The following RANBP17 variants were observed in gnomAD, a reference collection of about 807,000 sequenced individuals.
The protein encoded by RANBP17 is ran-binding protein 17.
A neutral mutation model predicts 141.2 loss-of-function variants in RANBP17; 158 were observed. The observed-to-expected ratio is 1.12, with a 90% CI of 0.98 to 1.28. The LOEUF (loss-of-function observed/expected upper bound fraction) is 1.28. Ranked by LOEUF, RANBP17 falls within the 50% of genes most tolerant of loss-of-function variation. The pLI, the probability that RANBP17 is intolerant of heterozygous loss-of-function variation, is 0.00. For missense variants in RANBP17, 1,438 were observed against 1,290.7 expected (o/e 1.11, Z -1.75); for synonymous variants, 430 against 450.0 (o/e 0.96, Z 0.56).
chr5:171,143,671 C>A (rs7731162), intron 14 of RANBP17, among the ~76,000 whole-genome samples: 12,153 of 152,042 alleles, frequency 0.08, 705 homozygotes, highest in African/African-American at 0.16. Context: ...TATCCCAGTC[C>A]CTATGCTTAG....
At chr5:170,927,557 A>G (rs193238247) in intron 12 of RANBP17, among the ~76,000 whole-genome samples, 8 of 151,098 alleles carry the variant, frequency 5.3e-5, no homozygotes, top group Admixed American at 1.3e-4. Flanking sequence ...CCATTTTTCT[A>G]TTGGGTTGTT....
At position 171,147,768 on chromosome 5, in the gene RANBP17, G is replaced by A. The variant is rs535897205; in HGVS notation, c.1711-22362G>A. ...AGGTAAAATTTTTAATCTCAGGTGG[G>A]GGGGTCAGCCCCCCGCCCGGCCAGC... On this transcript the variant is annotated intron_variant, in intron 14 of 27. Coordinates refer to ENST00000523189, the MANE Select transcript of RANBP17 (RefSeq NM_022897.5). Among the ~76,000 whole-genome samples, 392 of 152,246 alleles carry A rather than the reference G, an allele frequency of 2.6e-3. 2 individuals are homozygous for A. The highest frequency in any genetic ancestry group is 8.8e-3 in the African/African-American group (366 of 41,554).
At chr5:171,278,518 A>G (rs977876210) in intron 25 of RANBP17, among the ~76,000 whole-genome samples, 1 of 152,134 alleles carries the variant, frequency 6.6e-6, no homozygotes, top group African/African-American at 2.4e-5. Flanking sequence ...ATTTATAAAG[A>G]TGCTGGTCAG....
chr5:171,124,825 C>A (rs189450096), intron 14 of RANBP17, among the ~76,000 whole-genome samples: 129 of 152,224 alleles, frequency 8.5e-4, no homozygotes, highest in African/African-American at 3.0e-3. Flanking sequence ...ACAAAACAAT[C>A]AGAAACTAAT....
At chr5:170,873,316 G>C (rs1159466002) in intron 1 of RANBP17, among the ~76,000 whole-genome samples, 1 of 152,152 alleles carries the variant, frequency 6.6e-6, no homozygotes, top group Non-Finnish European at 1.5e-5. Context: ...TTCTTTTCTT[G>C]TTGTGTCTTT....
chr5:171,055,890 AAAAAAAC>A (rs1322169546), intron 14 of RANBP17, among the ~76,000 whole-genome samples: 17 of 142,816 alleles, frequency 1.2e-4, no homozygotes, highest in African/African-American at 3.1e-4. Context: ...CAAAAAAAAA[AAAAAAAC>A]AAAAAAAAAA....
chr5:171,068,714 G>T (rs1282184961), intron 14 of RANBP17, among the ~76,000 whole-genome samples: 5 of 152,008 alleles, frequency 3.3e-5, no homozygotes, highest in Non-Finnish European at 5.9e-5. Context: ...AGCCACCCAA[G>T]TAGCTGGGAT....
At chr5:171,075,415 A>G (rs1784858681) in intron 14 of RANBP17, among the ~76,000 whole-genome samples, 1 of 152,204 alleles carries the variant, frequency 6.6e-6, no homozygotes, top group Non-Finnish European at 1.5e-5. Flanking sequence ...GTGAAACTTC[A>G]AAAAATGATA....
At chr5:170,910,457 C>T (rs1362304677) in intron 6 of RANBP17, 3 of 152,232 alleles carry the variant, frequency 2.0e-5, no homozygotes, top group Admixed American at 1.3e-4. Context: ...TTTCTTTTAA[C>T]ACAGAAAATT....
At chr5:171,034,156 G>A (rs1781725362) in intron 14 of RANBP17, among the ~76,000 whole-genome samples, 1 of 152,064 alleles carries the variant, frequency 6.6e-6, no homozygotes, top group South Asian at 2.1e-4. Context: ...AATATAAAAT[G>A]AAAGCCAGAA....
chr5:170,878,595 A>G (rs1260629429), intron 2 of RANBP17, among the ~76,000 whole-genome samples: 2 of 152,168 alleles, frequency 1.3e-5, no homozygotes, highest in Admixed American at 1.3e-4. Context: ...TACCTCAGAA[A>G]CATGAAAGGA....
At chr5:171,119,547 G>A (rs1755873181) in intron 14 of RANBP17, among the ~76,000 whole-genome samples, 3 of 152,184 alleles carry the variant, frequency 2.0e-5, no homozygotes, top group Admixed American at 2.0e-4. Context: ...AGTGGTGAAA[G>A]TGAACATCCT....
chr5:171,152,280 C>A (rs906100969), intron 14 of RANBP17, among the ~76,000 whole-genome samples: 1 of 151,584 alleles, frequency 6.6e-6, no homozygotes, highest in African/African-American at 2.4e-5. Flanking sequence ...ATTAGCCAGG[C>A]ATGGTGGCAC....
intron 14 of RANBP17, among the ~76,000 whole-genome samples, chr5:171,143,087 G>A (rs566494596): frequency 1.3e-5 from 2 of 152,166 alleles, no homozygotes; most frequent in Middle Eastern, 6.8e-3. Flanking sequence ...TAAGCTAGTG[G>A]GATAAACAGC....
At chr5:171,128,065 G>A (rs1756625322) in intron 14 of RANBP17, among the ~76,000 whole-genome samples, 2 of 152,134 alleles carry the variant, frequency 1.3e-5, no homozygotes, top group Non-Finnish European at 1.5e-5. Context: ...GGCTGAGGCA[G>A]GAGAATGGTG....
chr5:170,929,935 C>G (rs1045498651), intron 12 of RANBP17, among the ~76,000 whole-genome samples: 1 of 152,060 alleles, frequency 6.6e-6, no homozygotes, highest in Non-Finnish European at 1.5e-5. Context: ...TTGTGTCTTT[C>G]AAGGAATTTA....
intron 20 of RANBP17, among the ~76,000 whole-genome samples, chr5:171,210,490 T>C (rs1410262730): frequency 6.6e-6 from 1 of 152,316 alleles, no homozygotes; most frequent in Non-Finnish European, 1.5e-5. Context: ...CAGAGGCCTA[T>C]GTGTGCCTCT....
chr5:171,216,786 C>T (rs1277374063), intron 21 of RANBP17, among the ~76,000 whole-genome samples: 1 of 152,116 alleles, frequency 6.6e-6, no homozygotes, highest in African/African-American at 2.4e-5. Context: ...GCTGAAATTG[C>T]TTATCAGTTT....
At chr5:171,115,119 A>G (rs982459560) in intron 14 of RANBP17, among the ~76,000 whole-genome samples, 45 of 152,216 alleles carry the variant, frequency 3.0e-4, no homozygotes, top group African/African-American at 9.6e-4. Context: ...AAAAAAACAA[A>G]AACTTTATGT....
Sources: gnomAD v4.1 joint callset for allele counts (sites outside exome capture counted in the v4.1 genomes callset) on GRCh38, gnomAD v4.1.1 for gene constraint, MANE v1.5 for transcripts, NCBI Gene and HGNC (gene_info 2026-07-23, HGNC 2026-07-21) for gene names.